The following COMMD7 variants were observed in gnomAD, a reference collection of about 807,000 sequenced individuals.
COMMD7 encodes COMM domain-containing protein 7.
COMMD7 carries 28 observed loss-of-function variants against 34.8 expected under a neutral mutation model. The observed-to-expected ratio is 0.80, with a 90% CI of 0.60 to 1.10. The LOEUF (loss-of-function observed/expected upper bound fraction) is 1.10, where lower values mean the gene tolerates loss of function less well. Among genes scored for constraint, COMMD7 ranks in the 50% least tolerant of loss-of-function variants. COMMD7 has a pLI of 0.00. For missense variants in COMMD7, 211 were observed against 241.6 expected (o/e 0.87, Z 0.84); for synonymous variants, 80 against 86.4 (o/e 0.93, Z 0.41).
chr20:32,706,146 C>T (rs368074554), intron 5 of COMMD7, among the ~76,000 whole-genome samples: 3 of 149,842 alleles, frequency 2.0e-5, no homozygotes, highest in Non-Finnish European at 4.4e-5. Context: ...TGCAGTGAGC[C>T]GAGATTGTGC....
At chr20:32,741,636 A>G (rs1429707206) in intron 1 of COMMD7, among the ~76,000 whole-genome samples, 3 of 151,962 alleles carry the variant, frequency 2.0e-5, no homozygotes, top group Non-Finnish European at 4.4e-5. Context: ...TGATCCGCCC[A>G]CCTTGGCCTC....
At position 32,703,539 on chromosome 20, in the gene COMMD7, A is replaced by AT. The variant is rs369694098; in HGVS notation, c.527-82dup. On this transcript the variant is annotated intron_variant, in intron 8 of 8. Coordinates refer to ENST00000278980, the MANE Select transcript of COMMD7 (RefSeq NM_053041.3). ...AAGAAAATTAATTTCCACCCGGAGG[A>AT]TTTTTTTTTTCTTTTTTGGCTTAAT... 1,791 of 1,471,324 alleles carry AT rather than the reference A, an allele frequency of 1.2e-3. 1 individual carries two copies. The highest frequency in any genetic ancestry group is 3.8e-3 in the South Asian group (278 of 72,874). The allele number at this position is 1,471,324 out of a possible 1,614,324, so 91.1% of individuals were successfully genotyped here.
intron 1 of COMMD7, among the ~76,000 whole-genome samples, chr20:32,734,372 C>G (rs1397471236): frequency 6.7e-6 from 1 of 150,268 alleles, no homozygotes; most frequent in Admixed American, 6.7e-5. Context: ...ACTCGGGAGG[C>G]TGAGGCAGAG....
chr20:32,702,887 A>T lies in COMMD7; in HGVS notation c.*495T>A, dbSNP rs1194739134. ...GTATTTACACACAGGTGCCTCATTA[A>T]GAACTGATTGGCAATGTTCCACCAG... On this transcript the variant is annotated 3_prime_UTR_variant, in exon 9 of 9. Coordinates refer to ENST00000278980, the MANE Select transcript of COMMD7 (RefSeq NM_053041.3). 1.3e-5 allele frequency: 2 copies of T among 153,324 alleles called. No individual in the cohort carries two copies. The highest frequency in any genetic ancestry group is 4.8e-5 in the African/African-American group (2 of 41,484). 9.5% of individuals were successfully genotyped at this position (153,324 alleles called of 1,614,324 possible).
At chr20:32,733,131 C>T (rs748435763) in intron 1 of COMMD7, among the ~76,000 whole-genome samples, 2 of 151,310 alleles carry the variant, frequency 1.3e-5, no homozygotes, top group Non-Finnish European at 2.9e-5. Context: ...AGCAGAATTA[C>T]TTCAACCCAG....
Position 32,743,423 on chromosome 20 carries a change from C to A in COMMD7, c.-32G>T. The stretch of plus-strand genomic sequence containing the variant: ...CGCCCCAGCCCCGCAGGTTCCACCG[C>A]CGCCGCCGCCCTGCTCAGCTTCCTC... On this transcript the variant is annotated 5_prime_UTR_variant, in exon 1 of 9. Coordinates refer to ENST00000278980, the MANE Select transcript of COMMD7 (RefSeq NM_053041.3). The A allele has an allele frequency of 1.5e-6, 2 of 1,304,556 alleles. No homozygotes were observed. Among genetic ancestry groups the A allele is most frequent in the Non-Finnish European group, 9.7e-7 (1 of 1,027,438 alleles). The allele number at this position is 1,304,556 out of a possible 1,614,324, so 80.8% of individuals were successfully genotyped here.
In COMMD7 at chr20:32,739,881, G is replaced by C. The variant is rs1986339264; in HGVS notation, c.84+3427C>G. Among the ~76,000 whole-genome samples, 2 of 141,508 alleles carry C rather than the reference G, an allele frequency of 1.4e-5. 1 individual carries two copies. The highest frequency in any genetic ancestry group is 5.3e-5 in the African/African-American group (2 of 37,430). The allele number at this position is 141,508 out of a possible 152,430, so 92.8% of individuals were successfully genotyped here. On this transcript the variant is annotated intron_variant, in intron 1 of 8. Coordinates refer to ENST00000278980, the MANE Select transcript of COMMD7 (RefSeq NM_053041.3). ...AAAAATACAAGAAAAAATTAGATGG[G>C]CATGGTGGTGAACACCTGTAATCTC...
rs150598929 is a variant in COMMD7, at chr20:32,713,653, G to A, written c.242-6893C>T. ...TGAGGCTCACAGAGAACAGAGGTCC[G>A]TAGTCACACACGCACATTTACTGAG... On this transcript the variant is annotated intron_variant, in intron 3 of 8. Transcript: ENST00000278980. 5.1e-3 allele frequency among the ~76,000 whole-genome samples: 774 copies of A among 152,290 alleles called. 4 individuals are homozygous for A. Among genetic ancestry groups the A allele is most frequent in the African/African-American group, 0.018 (740 of 41,566 alleles).
rs1983851045 is a variant in COMMD7, at chr20:32,703,155, C to T, written c.*227G>A. ...GTATCTAAAAATGTGTCCTGGAAGA[C>T]AGGTGGTGGTGGTTGCCCTAACAGA... On this transcript the variant is annotated 3_prime_UTR_variant, in exon 9 of 9. Transcript: ENST00000278980. 2.5e-6 allele frequency: 1 copy of T among 398,024 alleles called. No homozygotes were observed. Among genetic ancestry groups the T allele is most frequent in the East Asian group, 3.8e-5 (1 of 26,296 alleles). The allele number at this position is 398,024 out of a possible 1,614,324, so 24.7% of individuals were successfully genotyped here.
chr20:32,742,848 C>A (rs1986516487), intron 1 of COMMD7, among the ~76,000 whole-genome samples: 1 of 152,124 alleles, frequency 6.6e-6, no homozygotes, highest in South Asian at 2.1e-4. Context: ...CCTCCCACTC[C>A]CCTCAGGCTT....
rs1265744367 is a variant in COMMD7 at position 32,743,288 on chromosome 20, C to T, written c.84+20G>A. On this transcript the variant is annotated intron_variant, in intron 1 of 8. Coordinates refer to ENST00000278980, the MANE Select transcript of COMMD7 (RefSeq NM_053041.3). ...GGAATCACCTGGGCCCCGCGCCCCA[C>T]GCCCCGCCGCCGGGCCCACCTGCGC... 1 of 1,506,546 alleles carries T rather than the reference C, an allele frequency of 6.6e-7. No homozygotes were observed. The highest frequency in any genetic ancestry group is 2.1e-5 in the Admixed American group (1 of 48,450). The allele number at this position is 1,506,546 out of a possible 1,614,324, so 93.3% of individuals were successfully genotyped here. A position where few individuals can be genotyped will look rare whatever the true frequency, so the allele number is the denominator to read the frequency against.
chr20:32,739,887 TG>T (rs1986339460), intron 1 of COMMD7, among the ~76,000 whole-genome samples: 1 of 141,684 alleles, frequency 7.1e-6, no homozygotes, highest in Non-Finnish European at 1.5e-5. Flanking sequence ...ATGGGCATGG[TG>T]GTGAACACCT....
intron 3 of COMMD7, among the ~76,000 whole-genome samples, chr20:32,724,180 G>A (rs1387795530): frequency 4.4e-5 from 1 of 22,614 alleles, no homozygotes; most frequent in Non-Finnish European, 1.3e-4. Context: ...CGCCCGGTCC[G>A]GGAGGTGAGG....
chr20:32,722,771 C>T (rs1355285308), intron 3 of COMMD7, among the ~76,000 whole-genome samples: 2 of 150,238 alleles, frequency 1.3e-5, no homozygotes, highest in African/African-American at 4.9e-5. Flanking sequence ...CCTGTAATCC[C>T]AGCACTTTGG....
chr20:32,736,697 AC>A (rs1408467604), intron 1 of COMMD7, among the ~76,000 whole-genome samples: 1 of 151,726 alleles, frequency 6.6e-6, no homozygotes, highest in East Asian at 1.9e-4. Flanking sequence ...AACAACAACA[AC>A]AAAAAAAACC....
chr20:32,735,477 C>T (rs535137245), intron 1 of COMMD7, among the ~76,000 whole-genome samples: 3 of 151,492 alleles, frequency 2.0e-5, no homozygotes, highest in South Asian at 2.1e-4. Flanking sequence ...CTACCATGCC[C>T]GGCTAATTTT....
chr20:32,719,416 G>A (rs1985012744), intron 3 of COMMD7, among the ~76,000 whole-genome samples: 1 of 152,186 alleles, frequency 6.6e-6, no homozygotes, highest in African/African-American at 2.4e-5. Flanking sequence ...GGGAGGCCAA[G>A]GTGGGGTGGA....
At chr20:32,722,106 G>A (rs1985198353) in intron 3 of COMMD7, among the ~76,000 whole-genome samples, 3 of 151,596 alleles carry the variant, frequency 2.0e-5, no homozygotes, top group Non-Finnish European at 4.4e-5. Context: ...TTAGCCAGGT[G>A]TGGTGGTGCA....
intron 1 of COMMD7, among the ~76,000 whole-genome samples, chr20:32,735,857 T>C (rs896448255): frequency 1.3e-5 from 2 of 152,156 alleles, no homozygotes; most frequent in African/African-American, 4.8e-5. Context: ...TCCTGTCTAT[T>C]ACTTTCATTT....
Sources: gnomAD v4.1 joint callset for allele counts (sites outside exome capture counted in the v4.1 genomes callset) on GRCh38, gnomAD v4.1.1 for gene constraint, MANE v1.5 for transcripts, NCBI Gene and HGNC (gene_info 2026-07-23, HGNC 2026-07-21) for gene names.